FAM227B: variants seen among roughly 807,000 people sequenced by gnomAD.
FAM227B encodes family with sequence similarity 227 member B.
FAM227B carries 88 observed loss-of-function variants against 73.8 expected under a neutral mutation model. The observed-to-expected ratio is 1.19, with a 90% confidence interval of 1.00 to 1.42. The LOEUF is 1.42. Among genes scored for constraint, FAM227B ranks in the 40% most tolerant of loss-of-function variants. The pLI, the probability that FAM227B is intolerant of heterozygous loss-of-function variation, is 0.00. For synonymous variants in FAM227B, 210 were observed against 190.5 expected (o/e 1.10, Z -0.84); for missense variants, 632 against 590.9 (o/e 1.07, Z -0.72).
intron 5 of FAM227B, among the ~76,000 whole-genome samples, chr15:49,580,072 G>A (rs2075713719): frequency 1.3e-5 from 2 of 152,060 alleles, no homozygotes; most frequent in South Asian, 2.1e-4. Flanking sequence ...ACCTGAAAAC[G>A]AGACCACAAA....
chr15:49,490,971 G>A (rs1247462425), intron 11 of FAM227B, among the ~76,000 whole-genome samples: 1 of 151,806 alleles, frequency 6.6e-6, no homozygotes, highest in African/African-American at 2.4e-5. Context: ...GACGATTACA[G>A]GAAATAAAAT....
chr15:49,616,913 C>A (rs942369568), intron 1 of FAM227B, among the ~76,000 whole-genome samples: 6 of 152,052 alleles, frequency 3.9e-5, no homozygotes, highest in African/African-American at 1.4e-4. Context: ...TTTTCTTTAT[C>A]TTGGTCAGTC....
intron 11 of FAM227B, among the ~76,000 whole-genome samples, chr15:49,405,709 G>T (rs1342245967): frequency 6.6e-6 from 1 of 152,126 alleles, no homozygotes; most frequent in East Asian, 1.9e-4. Context: ...GCATCTCAAT[G>T]ATCTTCATTT....
At chr15:49,409,767 G>C (rs1488675345) in intron 11 of FAM227B, among the ~76,000 whole-genome samples, 1 of 151,962 alleles carries the variant, frequency 6.6e-6, no homozygotes, top group African/African-American at 2.4e-5. Flanking sequence ...CTATACCTAA[G>C]ACTAGTTTCA....
At chr15:49,414,454 G>A (rs1432498150) in intron 11 of FAM227B, among the ~76,000 whole-genome samples, 1 of 152,130 alleles carries the variant, frequency 6.6e-6, no homozygotes, top group Admixed American at 6.6e-5. Flanking sequence ...AGAGCCTAGT[G>A]TTTGGGGGAT....
chr15:49,420,384 AG>A (rs1321172674), intron 11 of FAM227B, among the ~76,000 whole-genome samples: 1 of 151,968 alleles, frequency 6.6e-6, no homozygotes, highest in East Asian at 1.9e-4. Context: ...ATAATGAGAT[AG>A]GAAGATTTTT....
chr15:49,485,689 T>C (rs531547965), intron 11 of FAM227B: 2 of 152,448 alleles, frequency 1.3e-5, no homozygotes, highest in African/African-American at 2.4e-5. Flanking sequence ...AATACAAATA[T>C]GTAAAAAATC....
chr15:49,374,175 C>G (rs982493611), intron 11 of FAM227B, among the ~76,000 whole-genome samples: 1 of 152,086 alleles, frequency 6.6e-6, no homozygotes, highest in Non-Finnish European at 1.5e-5. Context: ...ACTTCAAGAT[C>G]AGATCTTTCA....
At chr15:49,476,914 G>T (rs1243002869) in intron 11 of FAM227B, among the ~76,000 whole-genome samples, 1 of 152,096 alleles carries the variant, frequency 6.6e-6, no homozygotes, top group African/African-American at 2.4e-5. Flanking sequence ...AAAAAAATTA[G>T]CCGGGCGTGG....
chr15:49,454,476 T>C (rs2053079527), intron 11 of FAM227B, among the ~76,000 whole-genome samples: 1 of 152,238 alleles, frequency 6.6e-6, no homozygotes, highest in Admixed American at 6.5e-5. Flanking sequence ...TATCCTCAAG[T>C]AAATTCAGTT....
At chr15:49,544,600 G>A (rs1056952772) in intron 9 of FAM227B, among the ~76,000 whole-genome samples, 30 of 152,216 alleles carry the variant, frequency 2.0e-4, no homozygotes, top group African/African-American at 6.5e-4. Flanking sequence ...AGGGGGCAAT[G>A]CTTTCAACTT....
intron 11 of FAM227B, among the ~76,000 whole-genome samples, chr15:49,439,099 T>C (rs1428111546): frequency 6.6e-6 from 1 of 151,732 alleles, no homozygotes; most frequent in Non-Finnish European, 1.5e-5. Context: ...TTCTTATGTC[T>C]TGACTGGGGC....
intron 11 of FAM227B, among the ~76,000 whole-genome samples, chr15:49,468,331 T>C (rs951330911): frequency 6.6e-6 from 1 of 152,212 alleles, no homozygotes; most frequent in Non-Finnish European, 1.5e-5. Context: ...CATGTGGAAC[T>C]ATTTTGAATT....
intron 11 of FAM227B, chr15:49,486,610 T>C (rs1489172632): frequency 6.6e-6 from 1 of 151,996 alleles, no homozygotes; most frequent in Non-Finnish European, 1.5e-5. Context: ...AGAAATAGTG[T>C]ATATACATAT....
intron 11 of FAM227B, among the ~76,000 whole-genome samples, chr15:49,494,515 T>G (rs923274935): frequency 6.6e-6 from 1 of 152,150 alleles, no homozygotes; most frequent in Non-Finnish European, 1.5e-5. Flanking sequence ...TGCACTGATT[T>G]ACTCTAATGA....
At chr15:49,376,859 G>A (rs2046196323) in intron 11 of FAM227B, among the ~76,000 whole-genome samples, 1 of 151,746 alleles carries the variant, frequency 6.6e-6, no homozygotes, top group Admixed American at 6.6e-5. Flanking sequence ...TATCTTATTT[G>A]TTTTCATGGT....
intron 11 of FAM227B, among the ~76,000 whole-genome samples, chr15:49,489,841 TTATATATATATATATATTTTA>T (rs1221028337): frequency 0.17 from 3,896 of 22,544 alleles, 601 homozygotes; most frequent in Admixed American, 0.22. Context: ...TATATATATT[TTATATATATATATATATTTTA>T]TATATATATA....
At chr15:49,456,103 A>G (rs2053259681) in intron 11 of FAM227B, among the ~76,000 whole-genome samples, 1 of 152,166 alleles carries the variant, frequency 6.6e-6, no homozygotes, top group African/African-American at 2.4e-5. Context: ...TGTTAAAAGT[A>G]AGTCTAGACT....
At position 49,589,972 on chromosome 15, in the gene FAM227B, A is replaced by G. The variant is rs1279523962; in HGVS notation, c.141T>C (p.Asp47=). The change falls in exon 4 of 16, where the codon GAT becomes GAC. Residue 47 remains aspartate (D), a synonymous_variant. Transcript: ENST00000299338. ...TTTTCAGAGTGCATGACCATTTATC[A>G]TCATCTCTAAAATGGATTTCCCTTG... is the stretch of plus-strand genomic sequence containing the variant. ...YWPREIHFRD[D]DKWSCTLKKI... 2.5e-6 allele frequency: 4 copies of G among 1,606,144 alleles called. No homozygotes were observed. The highest frequency in any genetic ancestry group is 1.1e-5 in the South Asian group (1 of 90,732).
Sources: gnomAD v4.1 joint callset for allele counts (sites outside exome capture counted in the v4.1 genomes callset) on GRCh38, gnomAD v4.1.1 for gene constraint, MANE v1.5 for transcripts, NCBI Gene and HGNC (gene_info 2026-07-23, HGNC 2026-07-21) for gene names.